The following ZNF816 variants were observed in gnomAD, a reference collection of about 807,000 sequenced individuals.
The protein encoded by ZNF816 is zinc finger protein 816A.
Under a neutral mutation model 8.3 loss-of-function variants are expected in ZNF816, and 11 were observed. That is an observed-to-expected ratio of 1.32 (90% CI 0.83 to 2.19). ZNF816 has a LOEUF of 2.19. ZNF816 is among the 30% of genes most tolerant of loss of function. The pLI is 0.00. For missense variants in ZNF816, 710 were observed against 779.3 expected (o/e 0.91, Z 1.06); for synonymous variants, 255 against 254.5 (o/e 1.00, Z -0.02).
chr19:52,949,536 G>A lies in ZNF816; in HGVS notation c.*283C>T. 1.5e-6 allele frequency: 1 copy of A among 646,674 alleles called. No individual in the cohort carries two copies. The highest frequency in any genetic ancestry group is 2.9e-6 in the Non-Finnish European group (1 of 342,182). 40.1% of individuals were successfully genotyped at this position (646,674 alleles called of 1,614,324 possible). On this transcript the variant is annotated 3_prime_UTR_variant, in exon 4 of 4. Transcript: ENST00000444460. The stretch of plus-strand genomic sequence containing the variant: ...GTATGAATTCTCTGATGTCTAATGA[G>A]GTGTGAACATGAAGTAAAGGCTTTG...
chr19:52,950,502 A>G lies in ZNF816; in HGVS notation c.1273T>C (p.Tyr425His), dbSNP rs746330405. The change falls in exon 4 of 4, where the codon TAC (tyrosine) becomes CAC (histidine). Residue 425 changes from tyrosine (Y) to histidine (H), a missense_variant. Coordinates refer to ENST00000444460, the MANE Select transcript of ZNF816 (RefSeq NM_001202457.3). ...ACCTTGTCACAAACCTTACATTTGT[A>G]TGATCCCTCTCCAGTATGAATCTTC... Reference protein sequence around the residue: ...HRKIHTGEGSYKCKVCDKVFR... With the variant: ...HRKIHTGEGSHKCKVCDKVFR... 1.6e-5 allele frequency: 26 copies of G among 1,613,552 alleles called. No individual in the cohort carries two copies. Among genetic ancestry groups the G allele is most frequent in the Non-Finnish European group, 2.2e-5 (26 of 1,179,814 alleles).
At chr19:52,960,691 G>A (rs1026719588) in intron 1 of ZNF816, among the ~76,000 whole-genome samples, 6 of 152,122 alleles carry the variant, frequency 3.9e-5, no homozygotes, top group Admixed American at 1.3e-4. Context: ...GGACTGGAAC[G>A]TAGCCCCTGT....
chr19:52,961,377 A>G (rs567955801), intron 1 of ZNF816, among the ~76,000 whole-genome samples: 1 of 152,354 alleles, frequency 6.6e-6, no homozygotes, highest in African/African-American at 2.4e-5. Context: ...CTTAACTAAG[A>G]AAGGAGCTGC....
At chr19:52,958,235 T>G (rs1049090602) in intron 1 of ZNF816, among the ~76,000 whole-genome samples, 15 of 152,292 alleles carry the variant, frequency 9.8e-5, no homozygotes, top group African/African-American at 3.4e-4. Context: ...GGACTTGCAC[T>G]TAGTCAATCA....
intron 3 of ZNF816, 33 bp from the exon 4 acceptor site, chr19:52,951,617 T>G (rs1472218640): frequency 6.7e-7 from 1 of 1,492,062 alleles, no homozygotes; most frequent in Non-Finnish European, 9.0e-7. Flanking sequence ...GGTTTCCAAT[T>G]AAGTACAGAT....
In ZNF816 at chr19:52,957,069, T is replaced by G. The variant is rs140623175; in HGVS notation, c.-15-965A>C. ...TGGATGCCTTAGAGCTGTAAGCCCTTAAAAGGGCCAGGAATTTCTTTTTCA... is the reference window on the plus strand; with the variant it reads ...TGGATGCCTTAGAGCTGTAAGCCCTGAAAAGGGCCAGGAATTTCTTTTTCA... On this transcript the variant is annotated intron_variant, in intron 1 of 3. Coordinates refer to ENST00000444460, the MANE Select transcript of ZNF816 (RefSeq NM_001202457.3). This position sits in a 1 kb window ranked among gnomAD's most constrained non-coding sequence, Gnocchi z 4.6. 6.4e-4 allele frequency among the ~76,000 whole-genome samples: 97 copies of G among 152,276 alleles called. 3 individuals are homozygous for G. The East Asian group carries it at 0.014, about 23-fold the overall frequency.
At chr19:52,958,756 A>G (rs896475142) in intron 1 of ZNF816, among the ~76,000 whole-genome samples, 1 of 152,150 alleles carries the variant, frequency 6.6e-6, no homozygotes, top group Non-Finnish European at 1.5e-5. Context: ...TTTGCAACCT[A>G]CTGAAGCCTA....
intron 1 of ZNF816, 76 bp downstream of exon 1, chr19:52,962,651 A>G (rs1047481875): frequency 7.2e-5 from 11 of 152,370 alleles, no homozygotes; most frequent in African/African-American, 2.6e-4. Flanking sequence ...GCACGGCCCC[A>G]CTGCAGAAAG....
rs546562417 is a variant in ZNF816 at position 52,957,179 on chromosome 19, T to C, written c.-15-1075A>G. Among the ~76,000 whole-genome samples the C allele has an allele frequency of 6.6e-6, 1 of 152,142 alleles. No homozygotes were observed. The highest frequency in any genetic ancestry group is 1.5e-5 in the Non-Finnish European group (1 of 68,028). On this transcript the variant is annotated intron_variant, in intron 1 of 3. Transcript: ENST00000444460. The surrounding 1 kb of genome is among the most constrained non-coding windows in gnomAD (Gnocchi z 4.6). ...CTTCTTTAATCCGTTGTCTGAGAGG[T>C]ACTGTCTGCGGCTCGTCATGCTACA...
chr19:52,958,991 C>T (rs781423598), intron 1 of ZNF816, among the ~76,000 whole-genome samples: 5 of 152,234 alleles, frequency 3.3e-5, no homozygotes, highest in Non-Finnish European at 7.3e-5. Flanking sequence ...GCCTTTTACG[C>T]TGTATGTTTC....
At chr19:52,956,310 T>C (rs1210179097) in intron 1 of ZNF816, 7 of 519,076 alleles carry the variant, frequency 1.3e-5, no homozygotes, top group Non-Finnish European at 2.3e-5. Flanking sequence ...GCTCCCCTCC[T>C]GGAAAAGTCC....
chr19:52,956,385 C>T, intron 1 of ZNF816: 1 of 282,218 alleles, frequency 3.5e-6, no homozygotes, highest in East Asian at 7.1e-5. Context: ...AAACTCCATG[C>T]AGAGCACAGC....
At chr19:52,960,427 G>A (rs10402714) in intron 1 of ZNF816, among the ~76,000 whole-genome samples, 75,782 of 152,062 alleles carry the variant, frequency 0.5, 21,187 homozygotes, top group African/African-American at 0.76. Flanking sequence ...GAATCAGCTC[G>A]GATAACGGGC....
rs1257009801 is a variant in ZNF816, at chr19:52,957,889, C to T, written c.-15-1785G>A. On this transcript the variant is annotated intron_variant, in intron 1 of 3. Transcript: ENST00000444460. The surrounding 1 kb of genome is among the most constrained non-coding windows in gnomAD (Gnocchi z 4.6). ...TACCCAGAACGGGAGTCATTATGGC[C>T]CTTACAGTCCCCCAGGAAGAGGAAT... Among the ~76,000 whole-genome samples, 3 of 152,102 alleles carry T rather than the reference C, an allele frequency of 2.0e-5. No homozygotes were observed. Among genetic ancestry groups the T allele is most frequent in the Admixed American group, 1.3e-4 (2 of 15,268 alleles).
At chr19:52,962,339 G>A (rs961662765) in intron 1 of ZNF816, among the ~76,000 whole-genome samples, 1 of 152,104 alleles carries the variant, frequency 6.6e-6, no homozygotes, top group Non-Finnish European at 1.5e-5. Flanking sequence ...TAGACCAAAA[G>A]GAATAACCCC....
At chr19:52,954,396 A>G (rs1242553807) in intron 2 of ZNF816, among the ~76,000 whole-genome samples, 1 of 152,162 alleles carries the variant, frequency 6.6e-6, no homozygotes, top group East Asian at 1.9e-4. Flanking sequence ...CAAAAAAGAA[A>G]TGAAACAAAA....
intron 1 of ZNF816, among the ~76,000 whole-genome samples, chr19:52,962,127 T>A (rs1181273334): frequency 6.6e-6 from 1 of 152,058 alleles, no homozygotes. Flanking sequence ...CCTAGGCTCA[T>A]CCAGAATTTC....
chr19:52,962,124 T>G (rs932802603), intron 1 of ZNF816, among the ~76,000 whole-genome samples: 3 of 152,036 alleles, frequency 2.0e-5, no homozygotes, highest in African/African-American at 7.2e-5. Context: ...CTGCCTAGGC[T>G]CATCCAGAAT....
chr19:52,952,657 G>GA, intron 3 of ZNF816, 94 bp downstream of exon 3: 1 of 1,591,748 alleles, frequency 6.3e-7, no homozygotes, highest in Admixed American at 1.7e-5. Flanking sequence ...TCAAAAGCAT[G>GA]TATGGGGCAA....
Sources: gnomAD v4.1 joint callset for allele counts (sites outside exome capture counted in the v4.1 genomes callset) on GRCh38, gnomAD v4.1.1 for gene constraint, Gnocchi (gnomAD v3.1) non-coding constraint, MANE v1.5 for transcripts, NCBI Gene and HGNC (gene_info 2026-07-23, HGNC 2026-07-21) for gene names.